The following DGKG variants were observed in gnomAD, a reference collection of about 807,000 sequenced individuals.
DGKG encodes the protein diacylglycerol kinase gamma.
A neutral mutation model predicts 105.3 loss-of-function variants in DGKG; 78 were observed. The ratio of observed to expected loss-of-function variants is 0.74; its 90% CI spans 0.62 to 0.89. The LOEUF (loss-of-function observed/expected upper bound fraction) is 0.89, where lower values mean the gene tolerates loss of function less well. Among genes scored for constraint, DGKG ranks in the 40% least tolerant of loss-of-function variants. The probability of loss-of-function intolerance (pLI) is 0.00; values close to 1 mark genes in which losing one functional copy is unlikely to be tolerated. For synonymous variants in DGKG, 346 were observed against 367.1 expected (o/e 0.94, Z 0.66); for missense variants, 958 against 1,020.1 (o/e 0.94, Z 0.83).
chr3:186,278,935 T>C (rs1490987772), intron 9 of DGKG, among the ~76,000 whole-genome samples: 1 of 152,194 alleles, frequency 6.6e-6, no homozygotes, highest in Non-Finnish European at 1.5e-5. Flanking sequence ...TAGTCTTCCC[T>C]ACCTCATGCA....
At chr3:186,166,165 A>T (rs1378655132) in intron 22 of DGKG, among the ~76,000 whole-genome samples, 1 of 152,250 alleles carries the variant, frequency 6.6e-6, no homozygotes, top group African/African-American at 2.4e-5. Context: ...ATGTATTCCT[A>T]GTGAAGACAG....
chr3:186,283,483 G>A, intron 7 of DGKG, among the ~76,000 whole-genome samples: 1 of 152,042 alleles, frequency 6.6e-6, no homozygotes, highest in East Asian at 1.9e-4. Flanking sequence ...CCCCCTCCTA[G>A]AGAGGCCTTC....
chr3:186,346,231 C>G (rs571226029), intron 1 of DGKG, among the ~76,000 whole-genome samples: 1 of 152,174 alleles, frequency 6.6e-6, no homozygotes, highest in African/African-American at 2.4e-5. Flanking sequence ...AATTTTAATT[C>G]TGCTGTTGTG....
intron 24 of DGKG, chr3:186,161,083 C>CT: frequency 1.0e-6 from 1 of 987,084 alleles, no homozygotes; most frequent in Non-Finnish European, 1.2e-6. Context: ...GTTATCAGGG[C>CT]TTTGGGTGCA....
chr3:186,207,214 T>C (rs1221351246), intron 21 of DGKG, among the ~76,000 whole-genome samples: 1 of 152,134 alleles, frequency 6.6e-6, no homozygotes, highest in Non-Finnish European at 1.5e-5. Flanking sequence ...ATGGAAAAAA[T>C]TATTTCCTGC....
intron 22 of DGKG, among the ~76,000 whole-genome samples, chr3:186,179,719 C>T (rs759917172): frequency 6.6e-6 from 1 of 152,182 alleles, no homozygotes; most frequent in Non-Finnish European, 1.5e-5. Context: ...CCGCCAGATG[C>T]CATGAGAGGT....
intron 1 of DGKG, among the ~76,000 whole-genome samples, chr3:186,358,395 G>C (rs1176019743): frequency 6.6e-6 from 1 of 152,214 alleles, no homozygotes; most frequent in African/African-American, 2.4e-5. Flanking sequence ...AGCAACAACA[G>C]ATTATATTCC....
Position 186,280,747 on chromosome 3 carries a change from A to C in DGKG, c.595-3T>G, listed in dbSNP as rs1262971675. Reference sequence around the variant, plus strand: ...TGGTTGACAATGCAATCCATCTCCTAGAAAATAGCAAAGGGAGAAAATATC... The same window carrying C: ...TGGTTGACAATGCAATCCATCTCCTCGAAAATAGCAAAGGGAGAAAATATC... On this transcript the variant is annotated splice_polypyrimidine_tract_variant and splice_region_variant and intron_variant, in intron 7 of 24. Coordinates refer to ENST00000265022, the MANE Select transcript of DGKG (RefSeq NM_001346.3). 3 of 1,612,858 alleles carry C rather than the reference A, an allele frequency of 1.9e-6. No individual in the cohort carries two copies. The highest frequency in any genetic ancestry group is 2.5e-6 in the Non-Finnish European group (3 of 1,178,830).
At chr3:186,195,952 T>C (rs1485546228) in intron 21 of DGKG, among the ~76,000 whole-genome samples, 1 of 152,152 alleles carries the variant, frequency 6.6e-6, no homozygotes, top group Non-Finnish European at 1.5e-5. Flanking sequence ...ATCAGTGGAT[T>C]CAGGTGTTAT....
chr3:186,299,475 G>A (rs140797330), intron 3 of DGKG, among the ~76,000 whole-genome samples: 21 of 152,266 alleles, frequency 1.4e-4, no homozygotes, highest in African/African-American at 4.8e-4. Flanking sequence ...TGTTCTATCC[G>A]TCTCCTTTGC....
intron 22 of DGKG, among the ~76,000 whole-genome samples, chr3:186,180,082 T>G (rs573319900): frequency 6.6e-6 from 1 of 152,308 alleles, no homozygotes; most frequent in African/African-American, 2.4e-5. Context: ...CACAGTCTGA[T>G]GGGAGAAACA....
chr3:186,189,471 T>TA (rs1202558035), intron 21 of DGKG, among the ~76,000 whole-genome samples: 2 of 152,244 alleles, frequency 1.3e-5, no homozygotes, highest in African/African-American at 2.4e-5. Context: ...AGACTTGAGC[T>TA]AAGTTATCCA....
At chr3:186,182,924 A>C (rs1400360) in intron 22 of DGKG, among the ~76,000 whole-genome samples, 1 of 152,054 alleles carries the variant, frequency 6.6e-6, no homozygotes, top group East Asian at 1.9e-4. Context: ...CAGGGAAAAC[A>C]TATGATGAGA....
intron 22 of DGKG, among the ~76,000 whole-genome samples, chr3:186,187,997 G>A (rs1218045417): frequency 6.6e-6 from 1 of 152,170 alleles, no homozygotes. Context: ...CTTGACAACT[G>A]ACTGTCATTG....
At chr3:186,318,128 C>T (rs1297288753) in intron 2 of DGKG, among the ~76,000 whole-genome samples, 1 of 152,204 alleles carries the variant, frequency 6.6e-6, no homozygotes. Flanking sequence ...GTTCCCTGGC[C>T]TGGAAACTGC....
At chr3:186,341,997 CA>C (rs1469737954) in intron 1 of DGKG, among the ~76,000 whole-genome samples, 1 of 152,118 alleles carries the variant, frequency 6.6e-6, no homozygotes, top group Non-Finnish European at 1.5e-5. Flanking sequence ...AGGGTAATAT[CA>C]CACTCTGGGG....
At chr3:186,267,986 G>C (rs1432831992) in intron 12 of DGKG, among the ~76,000 whole-genome samples, 1 of 152,056 alleles carries the variant, frequency 6.6e-6, no homozygotes, top group East Asian at 1.9e-4. Flanking sequence ...TGAGCAAAGA[G>C]GCCAAGAGCC....
intron 24 of DGKG, among the ~76,000 whole-genome samples, chr3:186,156,346 G>A (rs1224265479): frequency 6.6e-6 from 1 of 151,898 alleles, no homozygotes; most frequent in African/African-American, 2.4e-5. Flanking sequence ...CAATTTCTTG[G>A]ATATCATATG....
intron 17 of DGKG, among the ~76,000 whole-genome samples, chr3:186,255,261 G>C (rs1234838760): frequency 6.6e-6 from 1 of 152,260 alleles, no homozygotes; most frequent in Admixed American, 6.5e-5. Context: ...GGCTCTGAGA[G>C]TGGGCAAAAA....
Sources: allele counts gnomAD v4.1 joint callset (sites outside exome capture counted in the v4.1 genomes callset), GRCh38; gene constraint gnomAD v4.1.1; transcripts MANE v1.5; gene names NCBI Gene and HGNC (gene_info 2026-07-23, HGNC 2026-07-21).